NCKAP1: variants seen among roughly 807,000 people sequenced by gnomAD.
NCKAP1 encodes nck-associated protein 1.
In NCKAP1, 21 loss-of-function variants were observed where a neutral mutation model predicts 151.2. That is an observed-to-expected ratio of 0.14 (90% CI 0.10 to 0.20). The LOEUF (loss-of-function observed/expected upper bound fraction) is 0.20, where lower values mean the gene tolerates loss of function less well. Ranked by LOEUF, NCKAP1 falls within the 10% of genes least tolerant of loss-of-function variation. The pLI is 1.00. For synonymous variants in NCKAP1, 484 were observed against 451.8 expected, an observed-to-expected ratio of 1.07 and a Z score of -0.90; for missense variants, 933 against 1,352.1, an observed-to-expected ratio of 0.69 and a Z score of 4.86.
chr2:182,957,658 T>G, intron 18 of NCKAP1, 62 bp from the exon 19 acceptor site: 1 of 1,529,716 alleles, frequency 6.5e-7, no homozygotes, highest in Non-Finnish European at 8.9e-7. Context: ...ATACTAACTA[T>G]TCAAGCAAAC....
At position 182,915,849 on chromosome 2, in the gene NCKAP1, T is replaced by C. The variant is rs1320743435; in HGVS notation, c.*9853A>G. ...TTGAAATTTTTCTGATGGCCTCTCT[T>C]CTTTGCTCTTGGCATTTCACTTAAA... is the stretch of plus-strand genomic sequence containing the variant. On this transcript the variant is annotated 3_prime_UTR_variant, in exon 31 of 31. Transcript: ENST00000361354. The C allele has an allele frequency of 6.6e-6, 1 of 152,168 alleles. No individual in the cohort carries two copies. The highest frequency in any genetic ancestry group is 1.5e-5 in the Non-Finnish European group (1 of 68,028). 9.4% of individuals were successfully genotyped at this position (152,168 alleles called of 1,614,324 possible).
chr2:183,002,654 A>G (rs1698395886), intron 4 of NCKAP1, among the ~76,000 whole-genome samples: 1 of 148,386 alleles, frequency 6.7e-6, no homozygotes, highest in Non-Finnish European at 1.5e-5. Flanking sequence ...TCTAAAAATT[A>G]TCATACTAAG....
intron 18 of NCKAP1, 109 bp from the exon 19 acceptor site, chr2:182,957,705 CA>C (rs1447099279): frequency 1.7e-6 from 2 of 1,176,910 alleles, no homozygotes; most frequent in Non-Finnish European, 2.4e-6. Flanking sequence ...AATATCACAA[CA>C]ATATTAAAAG....
chr2:182,934,006 CATATA>C (rs773950427), intron 26 of NCKAP1, among the ~76,000 whole-genome samples: 10 of 152,212 alleles, frequency 6.6e-5, no homozygotes, highest in African/African-American at 2.4e-4. Flanking sequence ...ATATATATTA[CATATA>C]ATAGAATACT....
chr2:182,942,185 T>C (rs1369016519), intron 23 of NCKAP1, 22 bp from the exon 24 acceptor site: 7 of 1,584,118 alleles, frequency 4.4e-6, no homozygotes, highest in Non-Finnish European at 5.2e-6. Flanking sequence ...AGAAAGATCC[T>C]AGGTCAGGCA....
intron 30 of NCKAP1, among the ~76,000 whole-genome samples, chr2:182,926,414 C>T (rs113247679): frequency 0.013 from 1,993 of 151,952 alleles, 42 homozygotes; most frequent in African/African-American, 0.045. Flanking sequence ...AGCTGGTTCA[C>T]AGATACTGCA....
At chr2:182,956,894 T>G (rs1697339332) in intron 19 of NCKAP1, 1 of 207,756 alleles carries the variant, frequency 4.8e-6, no homozygotes, top group African/African-American at 2.3e-5. Context: ...AAGTACTTTC[T>G]GTTATGAGAG....
chr2:182,912,978 G>A lies in NCKAP1; in HGVS notation c.*12724C>T, dbSNP rs1696418924. 1 of 152,162 alleles carries A rather than the reference G, an allele frequency of 6.6e-6. No individual in the cohort carries two copies. The allele number at this position is 152,162 out of a possible 1,614,324, so 9.4% of individuals were successfully genotyped here. ...TTTCCAATGCATTCACCTATCCATT[G>A]GCCATGGTTACTATCATTGAAACTT... On this transcript the variant is annotated 3_prime_UTR_variant, in exon 31 of 31. Coordinates refer to ENST00000361354, the MANE Select transcript of NCKAP1 (RefSeq NM_013436.5).
At chr2:182,964,461 G>A (rs1229504095) in intron 17 of NCKAP1, among the ~76,000 whole-genome samples, 3 of 151,980 alleles carry the variant, frequency 2.0e-5, no homozygotes, top group African/African-American at 7.2e-5. Context: ...GTAATTCCAA[G>A]TGACTTTATG....
At chr2:182,946,018 T>C (rs544347884) in intron 23 of NCKAP1, among the ~76,000 whole-genome samples, 3 of 152,252 alleles carry the variant, frequency 2.0e-5, no homozygotes, top group East Asian at 1.9e-4. Context: ...GCAACATGGA[T>C]AGAGCTGGAG....
intron 8 of NCKAP1, among the ~76,000 whole-genome samples, chr2:182,994,586 C>T (rs1351041561): frequency 2.0e-5 from 3 of 151,726 alleles, no homozygotes; most frequent in Non-Finnish European, 2.9e-5. Flanking sequence ...TTGCAGTGAG[C>T]CGAGATTGTG....
Position 182,915,028 on chromosome 2 carries a change from G to A in NCKAP1, c.*10674C>T, listed in dbSNP as rs1446143003. ...ATGTTGTGAGCACCTCTACCTGGGT[G>A]TCCCCCTAGGGCTACAGCTGCTCTC... On this transcript the variant is annotated 3_prime_UTR_variant, in exon 31 of 31. Coordinates refer to ENST00000361354, the MANE Select transcript of NCKAP1 (RefSeq NM_013436.5). 6.6e-6 allele frequency: 1 copy of A among 152,200 alleles called. No homozygotes were observed. The highest frequency in any genetic ancestry group is 1.5e-5 in the Non-Finnish European group (1 of 68,052). The allele number at this position is 152,200 out of a possible 1,614,324, so 9.4% of individuals were successfully genotyped here. A position where few individuals can be genotyped will look rare whatever the true frequency, so the allele number is the denominator to read the frequency against.
At chr2:182,949,865 T>A (rs1251763390) in intron 23 of NCKAP1, among the ~76,000 whole-genome samples, 1 of 152,254 alleles carries the variant, frequency 6.6e-6, no homozygotes, top group African/African-American at 2.4e-5. Context: ...GTGCCTAATA[T>A]GTGTTAGGTC....
intron 2 of NCKAP1, among the ~76,000 whole-genome samples, chr2:183,017,637 G>A (rs1282914488): frequency 3.9e-5 from 6 of 152,108 alleles, no homozygotes; most frequent in African/African-American, 1.4e-4. Flanking sequence ...CCACGGACTG[G>A]TACCTGTCTG....
chr2:182,969,842 A>C (rs1019418328), intron 15 of NCKAP1, among the ~76,000 whole-genome samples: 1 of 152,066 alleles, frequency 6.6e-6, no homozygotes, highest in Non-Finnish European at 1.5e-5. Flanking sequence ...AAAGATCAAC[A>C]AAATAAAAAG....
At chr2:182,971,030 CAAAA>C (rs1417125978) in intron 15 of NCKAP1, among the ~76,000 whole-genome samples, 1 of 151,758 alleles carries the variant, frequency 6.6e-6, no homozygotes, top group Non-Finnish European at 1.5e-5. Flanking sequence ...CAAACTTAAA[CAAAA>C]AGTGAAAGAT....
chr2:182,951,649 A>C (rs555872375), intron 23 of NCKAP1, among the ~76,000 whole-genome samples: 156 of 150,744 alleles, frequency 1.0e-3, no homozygotes, highest in African/African-American at 3.5e-3. Flanking sequence ...AAAAAAAAAA[A>C]AAACAAACAA....
At chr2:183,003,888 A>T (rs953512298) in intron 2 of NCKAP1, among the ~76,000 whole-genome samples, 1 of 146,208 alleles carries the variant, frequency 6.8e-6, no homozygotes, top group African/African-American at 2.5e-5. Flanking sequence ...ATGAGAAAGA[A>T]GCAAAACTAG....
Position 182,975,579 on chromosome 2 carries a change from A to G in NCKAP1, c.1482+1314T>C, listed in dbSNP as rs544295312. On this transcript the variant is annotated intron_variant, in intron 15 of 30. Transcript: ENST00000361354. Reference sequence around the variant, plus strand: ...ATACTTCTTATATTTTCTCTTTTTAATTAAACAAATAGAAATTTTATTTAT... The same window carrying G: ...ATACTTCTTATATTTTCTCTTTTTAGTTAAACAAATAGAAATTTTATTTAT... 2.0e-4 allele frequency among the ~76,000 whole-genome samples: 31 copies of G among 152,306 alleles called. 1 individual carries two copies. Among genetic ancestry groups the G allele is most frequent in the African/African-American group, 7.2e-4 (30 of 41,566 alleles).
Sources: gnomAD v4.1 joint callset for allele counts (sites outside exome capture counted in the v4.1 genomes callset) on GRCh38, gnomAD v4.1.1 for gene constraint, MANE v1.5 for transcripts, NCBI Gene and HGNC (gene_info 2026-07-23, HGNC 2026-07-21) for gene names.